Variants in CPQ observed in about 807,000 individuals in gnomAD.
CPQ encodes Ser-Met dipeptidase.
Under a neutral mutation model 45.7 loss-of-function variants are expected in CPQ, and 37 were observed. The observed-to-expected ratio is 0.81, with a 90% CI of 0.62 to 1.07. The LOEUF is 1.07. Ranked by LOEUF, CPQ falls within the 50% of genes least tolerant of loss-of-function variation. The pLI, the probability that CPQ is intolerant of heterozygous loss-of-function variation, is 0.00. For synonymous variants in CPQ, 186 were observed against 205.8 expected, an observed-to-expected ratio of 0.90 and a Z score of 0.82; for missense variants, 537 against 572.9, an observed-to-expected ratio of 0.94 and a Z score of 0.64.
chr8:96,791,723 C>T (rs932225001), intron 2 of CPQ, among the ~76,000 whole-genome samples: 1 of 152,176 alleles, frequency 6.6e-6, no homozygotes, highest in Non-Finnish European at 1.5e-5. Flanking sequence ...GTAACAGGAT[C>T]TCTAATCCAG....
At chr8:97,062,583 C>T (rs1233211344) in intron 6 of CPQ, among the ~76,000 whole-genome samples, 1 of 152,046 alleles carries the variant, frequency 6.6e-6, no homozygotes, top group African/African-American at 2.4e-5. Flanking sequence ...GGTGTTAAGC[C>T]TAGTACCCAT....
intron 1 of CPQ, among the ~76,000 whole-genome samples, chr8:96,742,632 T>G (rs1241592971): frequency 1.3e-5 from 2 of 152,204 alleles, no homozygotes; most frequent in Non-Finnish European, 2.9e-5. Flanking sequence ...CCTTTCCATA[T>G]TTAGCACTTC....
At chr8:96,969,024 A>G (rs1194708218) in intron 5 of CPQ, among the ~76,000 whole-genome samples, 3 of 152,232 alleles carry the variant, frequency 2.0e-5, no homozygotes, top group Admixed American at 6.5e-5. Flanking sequence ...CCTATGGCCA[A>G]TGATGCTCCA....
At chr8:97,126,649 A>C (rs1811852014) in intron 7 of CPQ, among the ~76,000 whole-genome samples, 1 of 152,226 alleles carries the variant, frequency 6.6e-6, no homozygotes, top group African/African-American at 2.4e-5. Context: ...ATAACATCAA[A>C]GAACATGAAA....
chr8:96,763,976 TA>T, intron 1 of CPQ, among the ~76,000 whole-genome samples: 1 of 152,154 alleles, frequency 6.6e-6, no homozygotes, highest in East Asian at 1.9e-4. Flanking sequence ...CTTGGCAGTT[TA>T]AAAAAGTTAA....
At chr8:96,699,229 C>T (rs1809425052) in intron 1 of CPQ, among the ~76,000 whole-genome samples, 2 of 152,008 alleles carry the variant, frequency 1.3e-5, no homozygotes, top group African/African-American at 4.8e-5. Flanking sequence ...AAGCCAGGTA[C>T]AGAAAGACAA....
At chr8:96,767,892 C>T (rs898657300) in intron 1 of CPQ, among the ~76,000 whole-genome samples, 1 of 152,046 alleles carries the variant, frequency 6.6e-6, no homozygotes, top group African/African-American at 2.4e-5. Context: ...GATCCACCCA[C>T]CTCGGCCTTC....
chr8:96,667,918 A>G (rs1254150069), intron 1 of CPQ, among the ~76,000 whole-genome samples: 1 of 152,028 alleles, frequency 6.6e-6, no homozygotes, highest in East Asian at 1.9e-4. Context: ...TATATCTTTT[A>G]TTCTCCACAA....
At chr8:96,963,193 G>A (rs554872647) in intron 4 of CPQ, among the ~76,000 whole-genome samples, 312 of 152,252 alleles carry the variant, frequency 2.0e-3, no homozygotes, top group Middle Eastern at 6.8e-3. Flanking sequence ...TATTATCTGA[G>A]AAAAAGTTTA....
At chr8:97,095,762 A>C (rs1316707670) in intron 7 of CPQ, among the ~76,000 whole-genome samples, 3 of 152,184 alleles carry the variant, frequency 2.0e-5, no homozygotes, top group Non-Finnish European at 4.4e-5. Context: ...GCGTCTTAAC[A>C]CATATTACTC....
intron 7 of CPQ, among the ~76,000 whole-genome samples, chr8:97,077,666 A>G (rs1274308213): frequency 1.3e-5 from 2 of 152,224 alleles, no homozygotes; most frequent in Non-Finnish European, 2.9e-5. Context: ...CATTCATAAC[A>G]TACCTTTTTC....
intron 1 of CPQ, among the ~76,000 whole-genome samples, chr8:96,748,271 T>C (rs995026247): frequency 1.3e-5 from 2 of 152,162 alleles, no homozygotes; most frequent in Admixed American, 6.5e-5. Flanking sequence ...TAAGTTGCTT[T>C]TTTTTCTGGC....
intron 4 of CPQ, among the ~76,000 whole-genome samples, chr8:96,897,732 C>G (rs1223178184): frequency 6.6e-6 from 1 of 152,092 alleles, no homozygotes; most frequent in Non-Finnish European, 1.5e-5. Flanking sequence ...ATTCCAAAAT[C>G]CAAACATTTC....
At chr8:96,906,713 C>CA (rs575520519) in intron 4 of CPQ, among the ~76,000 whole-genome samples, 108 of 152,154 alleles carry the variant, frequency 7.1e-4, no homozygotes, top group African/African-American at 2.5e-3. Flanking sequence ...GTGGAAGGGG[C>CA]AAGGCAGCTC....
chr8:96,926,573 T>C (rs1812881856), intron 4 of CPQ, among the ~76,000 whole-genome samples: 2 of 121,330 alleles, frequency 1.6e-5, no homozygotes, highest in South Asian at 5.5e-4. Context: ...CCTCTTCCTC[T>C]TCCTCTTCTT....
intron 4 of CPQ, among the ~76,000 whole-genome samples, chr8:96,936,853 A>T (rs1813057737): frequency 6.6e-6 from 1 of 152,070 alleles, no homozygotes; most frequent in South Asian, 2.1e-4. Flanking sequence ...CTTTATCTTT[A>T]CCTTGATTTC....
At chr8:97,125,542 T>A (rs1242129153) in intron 7 of CPQ, among the ~76,000 whole-genome samples, 1 of 152,192 alleles carries the variant, frequency 6.6e-6, no homozygotes, top group African/African-American at 2.4e-5. Flanking sequence ...TATGTTCAAG[T>A]GGCATTTATC....
intron 4 of CPQ, among the ~76,000 whole-genome samples, chr8:96,958,402 G>T (rs547621218): frequency 6.6e-6 from 1 of 151,978 alleles, no homozygotes; most frequent in Non-Finnish European, 1.5e-5. Context: ...TTATACTGTG[G>T]TTGCTGAGGC....
At chr8:97,024,826 T>C (rs1404493108) in intron 5 of CPQ, among the ~76,000 whole-genome samples, 6 of 152,230 alleles carry the variant, frequency 3.9e-5, no homozygotes, top group Admixed American at 3.9e-4. Flanking sequence ...GTGTAGGCAC[T>C]CTCTTCTGGG....
Sources: allele counts gnomAD v4.1 joint callset (sites outside exome capture counted in the v4.1 genomes callset), GRCh38; gene constraint gnomAD v4.1.1; transcripts MANE v1.5; gene names NCBI Gene and HGNC (gene_info 2026-07-23, HGNC 2026-07-21).